OXR1: variants seen among roughly 807,000 people sequenced by gnomAD.
The protein encoded by OXR1 is oxidation resistance protein 1.
OXR1 carries 41 observed loss-of-function variants against 104.6 expected under a neutral mutation model. The observed-to-expected ratio is 0.39, with a 90% CI of 0.31 to 0.51. The LOEUF is 0.51. Among genes scored for constraint, OXR1 ranks in the 20% least tolerant of loss-of-function variants. The probability of loss-of-function intolerance (pLI) is 0.77; values close to 1 mark genes in which losing one functional copy is unlikely to be tolerated. For missense variants in OXR1, 955 were observed against 1,031.9 expected, an observed-to-expected ratio of 0.93 and a Z score of 1.02; for synonymous variants, 348 against 348.4, an observed-to-expected ratio of 1.00 and a Z score of 0.01.
chr8:106,591,704 G>A (rs1415775511), intron 3 of OXR1, among the ~76,000 whole-genome samples: 2 of 152,196 alleles, frequency 1.3e-5, no homozygotes, highest in African/African-American at 2.4e-5. Context: ...ATTATTGGGG[G>A]AGTGGGGAGG....
chr8:106,715,137 A>T (rs1832106608), intron 11 of OXR1, among the ~76,000 whole-genome samples: 2 of 152,152 alleles, frequency 1.3e-5, no homozygotes, highest in Non-Finnish European at 2.9e-5. Context: ...AATAAAAAAG[A>T]TCTACTGGTA....
intron 2 of OXR1, among the ~76,000 whole-genome samples, chr8:106,403,004 T>G (rs1320263648): frequency 6.6e-6 from 1 of 152,108 alleles, no homozygotes; most frequent in Non-Finnish European, 1.5e-5. Context: ...GTATTTTTAG[T>G]ACAGACGGGG....
intron 7 of OXR1, 82 bp downstream of exon 7, chr8:106,692,959 A>T: frequency 1.0e-6 from 1 of 997,288 alleles, no homozygotes; most frequent in Admixed American, 2.6e-5. Flanking sequence ...TTACATTTTA[A>T]GTCATCAATG....
chr8:106,311,818 A>T (rs919048656), intron 1 of OXR1, among the ~76,000 whole-genome samples: 30 of 152,096 alleles, frequency 2.0e-4, no homozygotes, highest in Non-Finnish European at 4.1e-4. Context: ...ACCCATTCTT[A>T]GCATTGAACT....
chr8:106,330,689 C>T (rs1319210716), intron 1 of OXR1, among the ~76,000 whole-genome samples: 5 of 152,108 alleles, frequency 3.3e-5, no homozygotes, highest in African/African-American at 7.2e-5. Context: ...TTCCCTGTGC[C>T]GGAGAAAACA....
intron 3 of OXR1, among the ~76,000 whole-genome samples, chr8:106,675,494 TA>T (rs1168959370): frequency 6.6e-6 from 1 of 152,216 alleles, no homozygotes; most frequent in Non-Finnish European, 1.5e-5. Flanking sequence ...TCTGGTATGT[TA>T]TATCTTTGTT....
At chr8:106,686,266 CAT>C (rs1828706858) in intron 6 of OXR1, among the ~76,000 whole-genome samples, 1 of 131,368 alleles carries the variant, frequency 7.6e-6, no homozygotes, top group African/African-American at 2.9e-5. Context: ...TCCCTGAAAA[CAT>C]ATTGAAATGG....
chr8:106,276,753 C>CAAAAAA (rs56303147), intron 1 of OXR1, among the ~76,000 whole-genome samples: 4 of 77,760 alleles, frequency 5.1e-5, no homozygotes, highest in African/African-American at 1.5e-4. Context: ...CTGTTAGAGG[C>CAAAAAA]AAAAAAAAAA....
At chr8:106,657,327 A>G (rs1458267547) in intron 3 of OXR1, among the ~76,000 whole-genome samples, 2 of 152,170 alleles carry the variant, frequency 1.3e-5, no homozygotes, top group African/African-American at 4.8e-5. Context: ...ATAAAAAAAA[A>G]AAAAGGAAAT....
intron 2 of OXR1, among the ~76,000 whole-genome samples, chr8:106,437,011 CT>C (rs1819607748): frequency 6.6e-6 from 1 of 152,162 alleles, no homozygotes. Flanking sequence ...ACAAAAAAAT[CT>C]TTCTATGTGC....
chr8:106,428,651 G>A (rs142258337), intron 2 of OXR1, among the ~76,000 whole-genome samples: 1 of 149,338 alleles, frequency 6.7e-6, no homozygotes, highest in African/African-American at 2.5e-5. Context: ...AACTGTAAAT[G>A]ACACTAGACT....
intron 7 of OXR1, among the ~76,000 whole-genome samples, chr8:106,694,502 T>TTTTATATATATTTGATATATAAATATG (rs1563715929): frequency 7.4e-5 from 10 of 134,862 alleles, no homozygotes; most frequent in South Asian, 2.2e-4. Context: ...ATAAATATGT[T>TTTTATATATATTTGATATATAAATATG]TTTATATATA....
At chr8:106,593,205 A>G (rs941328063) in intron 3 of OXR1, among the ~76,000 whole-genome samples, 1 of 152,178 alleles carries the variant, frequency 6.6e-6, no homozygotes, top group South Asian at 2.1e-4. Context: ...TCTTGAGATC[A>G]AGGGCTAGGA....
At chr8:106,407,122 T>C (rs1818275155) in intron 2 of OXR1, among the ~76,000 whole-genome samples, 1 of 152,160 alleles carries the variant, frequency 6.6e-6, no homozygotes, top group African/African-American at 2.4e-5. Flanking sequence ...AAACTAAATG[T>C]TTCCCTCTCT....
chr8:106,541,780 A>T (rs578238997), intron 3 of OXR1, among the ~76,000 whole-genome samples: 1 of 152,332 alleles, frequency 6.6e-6, no homozygotes, highest in African/African-American at 2.4e-5. Context: ...GGTTAAAAAT[A>T]GTTCCCAAGG....
At chr8:106,543,399 A>G (rs1815109420) in intron 3 of OXR1, among the ~76,000 whole-genome samples, 1 of 152,160 alleles carries the variant, frequency 6.6e-6, no homozygotes, top group Admixed American at 6.6e-5. Context: ...GATAAGACCA[A>G]CAAAAAATCC....
chr8:106,729,116 C>A (rs1341162202), intron 11 of OXR1, among the ~76,000 whole-genome samples: 1 of 152,030 alleles, frequency 6.6e-6, no homozygotes, highest in African/African-American at 2.4e-5. Context: ...ACAGTGTATA[C>A]CAAATATTGT....
At chr8:106,497,463 A>G (rs576464975) in intron 2 of OXR1, among the ~76,000 whole-genome samples, 1 of 152,270 alleles carries the variant, frequency 6.6e-6, no homozygotes, top group South Asian at 2.1e-4. Context: ...CCTTGCTTTC[A>G]TCTCAAAATA....
At chr8:106,729,579 GTAGA>G (rs1563753151) in intron 11 of OXR1, among the ~76,000 whole-genome samples, 1 of 151,970 alleles carries the variant, frequency 6.6e-6, no homozygotes, top group Non-Finnish European at 1.5e-5. Context: ...CCTATCTATA[GTAGA>G]TAGTCATAAG....
Sources: allele counts gnomAD v4.1 joint callset (sites outside exome capture counted in the v4.1 genomes callset), GRCh38; gene constraint gnomAD v4.1.1; transcripts MANE v1.5; gene names NCBI Gene and HGNC (gene_info 2026-07-23, HGNC 2026-07-21).